The following MGAT3 variants were observed in gnomAD, a reference collection of about 807,000 sequenced individuals.
MGAT3 encodes the protein beta-1,4-mannosyl-glycoprotein 4-beta-N-acetylglucosaminyltransferase.
MGAT3 carries 9 observed loss-of-function variants against 29.8 expected under a neutral mutation model. That is an observed-to-expected ratio of 0.30 (90% CI 0.18 to 0.53). The LOEUF is 0.53. Among genes scored for constraint, MGAT3 ranks in the 20% least tolerant of loss-of-function variants. The pLI is 0.96. For synonymous variants in MGAT3, 397 were observed against 348.9 expected, an observed-to-expected ratio of 1.14 and a Z score of -1.54; for missense variants, 557 against 769.5, an observed-to-expected ratio of 0.72 and a Z score of 3.27.
At chr22:39,474,776 AC>A (rs1408362179) in intron 1 of MGAT3, among the ~76,000 whole-genome samples, 2 of 152,240 alleles carry the variant, frequency 1.3e-5, no homozygotes, top group African/African-American at 4.8e-5. Flanking sequence ...GGCAGGAGCC[AC>A]TGCTCACTTC....
intron 1 of MGAT3, among the ~76,000 whole-genome samples, chr22:39,481,727 T>C (rs781091804): frequency 1.3e-5 from 2 of 152,208 alleles, no homozygotes; most frequent in Non-Finnish European, 2.9e-5. Context: ...GCTTTACCAC[T>C]GGATACAACC....
rs1028319287 is a variant in MGAT3, at chr22:39,490,933, GGTCT to G, written c.*2001_*2004del. 7.8e-5 allele frequency: 13 copies of G among 166,902 alleles called. No homozygotes were observed. Among genetic ancestry groups the G allele is most frequent in the East Asian group, 3.8e-4 (2 of 5,290 alleles). The allele number at this position is 166,902 out of a possible 1,614,324, so 10.3% of individuals were successfully genotyped here. A position where few individuals can be genotyped will look rare whatever the true frequency, so the allele number is the denominator to read the frequency against. Reference sequence around the variant, plus strand: ...GAAAGCAAAGCTAAAGGGGATGCAGGGTCTGTCTGTCTGTCTGTCTTTCAGTCTG... The same window carrying G: ...GAAAGCAAAGCTAAAGGGGATGCAGGGTCTGTCTGTCTGTCTTTCAGTCTG... On this transcript the variant is annotated 3_prime_UTR_variant, in exon 2 of 2. Transcript: ENST00000341184.
intron 1 of MGAT3, among the ~76,000 whole-genome samples, chr22:39,480,060 G>A (rs537594198): frequency 6.6e-6 from 1 of 152,320 alleles, no homozygotes; most frequent in East Asian, 1.9e-4. Flanking sequence ...GACCTGCTCT[G>A]TTCATAGTGA....
intron 1 of MGAT3, among the ~76,000 whole-genome samples, chr22:39,472,412 C>A (rs1004337885): frequency 6.6e-6 from 1 of 152,204 alleles, no homozygotes; most frequent in East Asian, 1.9e-4. Context: ...CTATCCTCGT[C>A]CCACTGAGAA....
chr22:39,478,014 C>T (rs1287313240), intron 1 of MGAT3, among the ~76,000 whole-genome samples: 1 of 152,204 alleles, frequency 6.6e-6, no homozygotes, highest in Non-Finnish European at 1.5e-5. Flanking sequence ...ACCTTGTGCC[C>T]CAGGAGCTGC....
chr22:39,477,577 A>G (rs1929002761), intron 1 of MGAT3: 1 of 151,812 alleles, frequency 6.6e-6, no homozygotes, highest in African/African-American at 2.4e-5. Context: ...CCATGCATTT[A>G]TAGAACCTCT....
rs1928374355 is a variant in MGAT3 at position 39,457,720 on chromosome 22, G to A, written c.-2+163G>A. ...GCGCACTGGGGCTGGGGGCCCGGAGGCCGCGGTGGGGGCGGGATGCCGGGG... is the reference window on the plus strand; with the variant it reads ...GCGCACTGGGGCTGGGGGCCCGGAGACCGCGGTGGGGGCGGGATGCCGGGG... On this transcript the variant is annotated intron_variant, in intron 1 of 1. Transcript: ENST00000341184. The surrounding 1 kb of genome is among the most constrained non-coding windows in gnomAD (Gnocchi z 6.8). 6.6e-6 allele frequency among the ~76,000 whole-genome samples: 1 copy of A among 150,410 alleles called. No homozygotes were observed. The highest frequency in any genetic ancestry group is 2.4e-5 in the African/African-American group (1 of 41,208).
intron 1 of MGAT3, among the ~76,000 whole-genome samples, chr22:39,463,219 GTC>G (rs1928545883): frequency 6.6e-6 from 1 of 152,246 alleles, no homozygotes; most frequent in African/African-American, 2.4e-5. Context: ...TCCCAGAGAT[GTC>G]TCTAACTTGC....
At position 39,491,957 on chromosome 22, in the gene MGAT3, T is replaced by C. The variant is rs764691082; in HGVS notation, c.*3008T>C. Reference sequence around the variant, plus strand: ...TTCCCAGGGGCAGCATGGGAGATCTTTGGGGGCAACAGGGAGAGTCTGGGT... The same window carrying C: ...TTCCCAGGGGCAGCATGGGAGATCTCTGGGGGCAACAGGGAGAGTCTGGGT... On this transcript the variant is annotated 3_prime_UTR_variant, in exon 2 of 2. Transcript: ENST00000341184. This position sits in a 1 kb window ranked among gnomAD's most constrained non-coding sequence, Gnocchi z 5.5. 1 of 166,792 alleles carries C rather than the reference T, an allele frequency of 6.0e-6. No individual in the cohort carries two copies. Among genetic ancestry groups the C allele is most frequent in the Non-Finnish European group, 1.5e-5 (1 of 68,018 alleles). 10.3% of individuals were successfully genotyped at this position (166,792 alleles called of 1,614,324 possible).
chr22:39,467,736 C>T (rs1177258730), intron 1 of MGAT3, among the ~76,000 whole-genome samples: 2 of 145,426 alleles, frequency 1.4e-5, no homozygotes, highest in African/African-American at 5.1e-5. Context: ...TGTTTCGTTT[C>T]GTTTCGTTTC....
At chr22:39,480,001 A>G (rs753341615) in intron 1 of MGAT3, among the ~76,000 whole-genome samples, 1 of 152,216 alleles carries the variant, frequency 6.6e-6, no homozygotes, top group African/African-American at 2.4e-5. Context: ...GGCAGAGATA[A>G]TGATACCCAT....
intron 1 of MGAT3, among the ~76,000 whole-genome samples, chr22:39,481,236 G>C (rs971247079): frequency 3.9e-5 from 6 of 152,108 alleles, no homozygotes; most frequent in African/African-American, 1.4e-4. Context: ...TTCTTCCCTG[G>C]CGCCCTCTCC....
At chr22:39,465,685 A>G (rs1242137416) in intron 1 of MGAT3, among the ~76,000 whole-genome samples, 1 of 152,084 alleles carries the variant, frequency 6.6e-6, no homozygotes, top group Non-Finnish European at 1.5e-5. Context: ...AAACTCCAGC[A>G]CTTTGGGAGG....
At chr22:39,459,078 T>C (rs200421675) in intron 1 of MGAT3, among the ~76,000 whole-genome samples, 2,513 of 14,352 alleles carry the variant, frequency 0.18, 61 homozygotes, top group East Asian at 0.51. Context: ...TTTTCTTTTT[T>C]TTTTTTTTTT....
chr22:39,488,472 G>A lies in MGAT3; in HGVS notation c.1125G>A (p.Gly375=). The stretch of plus-strand genomic sequence containing the variant: ...TGGACATGCTGCAGGCAGTGTATGG[G>A]CTGGACGGCATCCGCCTGCGCCGCC... The part of the protein sequence containing the change: ...CTVDMLQAVY[G]LDGIRLRRRQ... The change falls in exon 2 of 2, where the codon GGG becomes GGA. Residue 375 remains glycine (G), a synonymous_variant. Transcript: ENST00000341184. 1.9e-6 allele frequency: 3 copies of A among 1,612,860 alleles called. No homozygotes were observed. The highest frequency in any genetic ancestry group is 2.5e-6 in the Non-Finnish European group (3 of 1,180,010).
intron 1 of MGAT3, among the ~76,000 whole-genome samples, chr22:39,482,084 G>T (rs1234262084): frequency 6.6e-6 from 1 of 151,740 alleles, no homozygotes; most frequent in Non-Finnish European, 1.5e-5. Context: ...TTCCCAAGTA[G>T]CTAGAACTAC....
At position 39,489,059 on chromosome 22, in the gene MGAT3, T is replaced by TGGGG; in HGVS notation, c.*111_*114dup. 1 of 431,772 alleles carries TGGGG rather than the reference T, an allele frequency of 2.3e-6. No individual in the cohort carries two copies. Among genetic ancestry groups the TGGGG allele is most frequent in the Non-Finnish European group, 3.8e-6 (1 of 259,920 alleles). The allele number at this position is 431,772 out of a possible 1,614,324, so 26.7% of individuals were successfully genotyped here. A position where few individuals can be genotyped will look rare whatever the true frequency, so the allele number is the denominator to read the frequency against. ...GGTTCTTGAGGGGACCAGGAGTGGG[T>TGGGG]GGGGAGTGGGGGTGGGGGTAGGGTT... On this transcript the variant is annotated 3_prime_UTR_variant, in exon 2 of 2. Coordinates refer to ENST00000341184, the MANE Select transcript of MGAT3 (RefSeq NM_002409.5).
Position 39,464,929 on chromosome 22 carries a change from G to A in MGAT3, c.-2+7372G>A, listed in dbSNP as rs530908655. 3.1e-4 allele frequency among the ~76,000 whole-genome samples: 47 copies of A among 150,654 alleles called. 1 individual carries two copies. The South Asian group carries it at 6.7e-3, about 22-fold the overall frequency. ...CCACACCTGGCTAATTTTTTTTTTC[G>A]TATTTTTAGTAGAGACGGGGTTTCA... is the stretch of plus-strand genomic sequence containing the variant. On this transcript the variant is annotated intron_variant, in intron 1 of 1. Coordinates refer to ENST00000341184, the MANE Select transcript of MGAT3 (RefSeq NM_002409.5).
At chr22:39,481,332 T>C (rs893148662) in intron 1 of MGAT3, among the ~76,000 whole-genome samples, 5 of 152,242 alleles carry the variant, frequency 3.3e-5, no homozygotes, top group Admixed American at 1.3e-4. Flanking sequence ...CACTCGCTCC[T>C]GCCCGTTACC....
Sources: gnomAD v4.1 joint callset for allele counts (sites outside exome capture counted in the v4.1 genomes callset) on GRCh38, gnomAD v4.1.1 for gene constraint, Gnocchi (gnomAD v3.1) non-coding constraint, MANE v1.5 for transcripts, NCBI Gene and HGNC (gene_info 2026-07-23, HGNC 2026-07-21) for gene names.